Variants in AIG1 observed in about 807,000 individuals in gnomAD.
AIG1 encodes the protein androgen induced 1.
AIG1 carries 23 observed loss-of-function variants against 31.4 expected under a neutral mutation model. The ratio of observed to expected loss-of-function variants is 0.73; its 90% CI spans 0.53 to 1.04. The LOEUF (loss-of-function observed/expected upper bound fraction) is 1.04, where lower values mean the gene tolerates loss of function less well. Ranked by LOEUF, AIG1 falls within the 50% of genes least tolerant of loss-of-function variation. AIG1 has a pLI of 0.00. For missense variants in AIG1, 274 were observed against 295.0 expected, an observed-to-expected ratio of 0.93 and a Z score of 0.52; for synonymous variants, 100 against 110.5, an observed-to-expected ratio of 0.90 and a Z score of 0.60.
At chr6:143,262,902 T>C (rs1008196605) in intron 3 of AIG1, among the ~76,000 whole-genome samples, 4 of 152,148 alleles carry the variant, frequency 2.6e-5, no homozygotes, top group African/African-American at 9.7e-5. Context: ...TGCTTTCTAA[T>C]TTTCTCCCCT....
downstream of AIG1, chr6:143,342,546 C>T (rs1777878376): frequency 1.2e-6 from 1 of 848,234 alleles, no homozygotes. Flanking sequence ...TCTCATAAAA[C>T]CTTTATTTTT....
In AIG1 at chr6:143,284,247, C is replaced by T; in HGVS notation, c.515+22C>T. The T allele has an allele frequency of 1.3e-6, 2 of 1,553,176 alleles. No homozygotes were observed. Among genetic ancestry groups the T allele is most frequent in the East Asian group, 2.2e-5 (1 of 44,550 alleles). Reference sequence around the variant, plus strand: ...TATGGTAAGGACCATGCCTGCTGGGCTTTCTTATTGTATTAGATTTTGCAC... The same window carrying T: ...TATGGTAAGGACCATGCCTGCTGGGTTTTCTTATTGTATTAGATTTTGCAC... On this transcript the variant is annotated intron_variant, in intron 4 of 5. Transcript: ENST00000357847. This position sits in a 1 kb window ranked among gnomAD's most constrained non-coding sequence, Gnocchi z 4.4.
intron 1 of AIG1, among the ~76,000 whole-genome samples, chr6:143,073,139 T>C (rs959093147): frequency 2.0e-5 from 3 of 152,228 alleles, no homozygotes; most frequent in Non-Finnish European, 2.9e-5. Flanking sequence ...ATATTTTTCT[T>C]TCTCTGTCTG....
At chr6:143,231,394 T>C (rs1388523640) in intron 3 of AIG1, among the ~76,000 whole-genome samples, 2 of 152,110 alleles carry the variant, frequency 1.3e-5, no homozygotes, top group African/African-American at 4.8e-5. Flanking sequence ...ATTTTTAAAA[T>C]AGACATAAGA....
chr6:143,141,649 A>G (rs988024691), intron 2 of AIG1, among the ~76,000 whole-genome samples: 5 of 152,152 alleles, frequency 3.3e-5, no homozygotes, highest in Non-Finnish European at 5.9e-5. Flanking sequence ...CCTTGCAACT[A>G]ATTTTGCAGG....
chr6:143,174,546 A>C (rs1020156973), intron 3 of AIG1, among the ~76,000 whole-genome samples: 2 of 151,270 alleles, frequency 1.3e-5, no homozygotes, highest in African/African-American at 4.9e-5. Flanking sequence ...GTCCATTTGC[A>C]TGGAATGTCT....
chr6:143,061,199 T>G, intron 1 of AIG1, 133 bp downstream of exon 1: 1 of 1,106,936 alleles, frequency 9.0e-7, no homozygotes, highest in Non-Finnish European at 1.4e-6. Context: ...ACCCGTGTCC[T>G]CGCCTCTTCC....
intron 4 of AIG1, among the ~76,000 whole-genome samples, chr6:143,322,749 A>G (rs1364977252): frequency 6.6e-6 from 1 of 152,168 alleles, no homozygotes; most frequent in Non-Finnish European, 1.5e-5. Flanking sequence ...TCACTCTGAT[A>G]TTTGTGATTT....
chr6:143,282,932 A>G (rs1583727536), intron 3 of AIG1, among the ~76,000 whole-genome samples: 2 of 152,224 alleles, frequency 1.3e-5, no homozygotes, highest in Non-Finnish European at 1.5e-5. Context: ...TTCCTTGAAT[A>G]CACAAATAAT....
chr6:143,226,700 ATAGG>A (rs1235680591), intron 3 of AIG1, among the ~76,000 whole-genome samples: 1 of 152,194 alleles, frequency 6.6e-6, no homozygotes, highest in African/African-American at 2.4e-5. Context: ...TGAATTTAAA[ATAGG>A]TAGGCCTCAG....
rs111610096 is a variant in AIG1, at chr6:143,187,330, C to A, written c.399+22147C>A. On this transcript the variant is annotated intron_variant, in intron 3 of 5. Transcript: ENST00000357847. ...ACACATATGGCAAATATGAACTAAT[C>A]AGACCACAGATATTTTGCTGCATTC... The A allele has an allele frequency of 2.2e-6, 3 of 1,387,932 alleles. No homozygotes were observed. The African/African-American group carries it at 4.3e-5, about 20-fold the overall frequency. The allele number at this position is 1,387,932 out of a possible 1,614,324, so 86.0% of individuals were successfully genotyped here.
intron 3 of AIG1, among the ~76,000 whole-genome samples, chr6:143,246,403 G>T (rs1227846672): frequency 1.3e-5 from 2 of 152,128 alleles, no homozygotes; most frequent in East Asian, 1.9e-4. Context: ...AGCCTGTGCA[G>T]GGAAACTCCC....
intron 3 of AIG1, among the ~76,000 whole-genome samples, chr6:143,248,074 G>T (rs949582880): frequency 2.6e-5 from 4 of 152,070 alleles, no homozygotes; most frequent in Non-Finnish European, 5.9e-5. Flanking sequence ...ACTTGTTTGT[G>T]GTCTCCTGGG....
chr6:143,135,273 G>A (rs1018507736), intron 1 of AIG1, among the ~76,000 whole-genome samples: 1 of 151,978 alleles, frequency 6.6e-6, no homozygotes, highest in African/African-American at 2.4e-5. Context: ...CTCTGGTAGG[G>A]TCACTCCAGT....
chr6:143,174,643 C>T (rs1477228383), intron 3 of AIG1, among the ~76,000 whole-genome samples: 1 of 152,018 alleles, frequency 6.6e-6, no homozygotes, highest in Non-Finnish European at 1.5e-5. Flanking sequence ...TTGGTTAATT[C>T]TTATCCATTC....
chr6:143,190,718 C>A, intron 3 of AIG1: 1 of 592,164 alleles, frequency 1.7e-6, no homozygotes, highest in Non-Finnish European at 2.1e-6. Context: ...CTTTGCTTTC[C>A]TATCTTATCA....
intron 3 of AIG1, among the ~76,000 whole-genome samples, chr6:143,222,804 C>T (rs369567090): frequency 2.0e-5 from 3 of 152,022 alleles, no homozygotes; most frequent in African/African-American, 4.8e-5. Context: ...GTTGGTATTT[C>T]GGCTGGCTTC....
At chr6:143,342,176 G>T (rs1451322046), downstream of AIG1, 9 of 590,972 alleles carry the variant, frequency 1.5e-5, no homozygotes, top group East Asian at 2.9e-4. Flanking sequence ...ACCCGCCTTG[G>T]CCTCTCAAAG....
intron 3 of AIG1, among the ~76,000 whole-genome samples, chr6:143,173,293 C>A (rs1787818284): frequency 6.6e-6 from 1 of 152,164 alleles, no homozygotes; most frequent in Non-Finnish European, 1.5e-5. Flanking sequence ...GAACTCCTGA[C>A]CTCAAGTGAT....
Sources: allele counts gnomAD v4.1 joint callset (sites outside exome capture counted in the v4.1 genomes callset), GRCh38; gene constraint gnomAD v4.1.1; non-coding constraint Gnocchi (gnomAD v3.1); transcripts MANE v1.5; gene names NCBI Gene and HGNC (gene_info 2026-07-23, HGNC 2026-07-21).